Variants in RAD18 observed in about 807,000 individuals in gnomAD.
The protein encoded by RAD18 is E3 ubiquitin-protein ligase RAD18.
RAD18 carries 47 observed loss-of-function variants against 60.4 expected under a neutral mutation model. The observed-to-expected ratio is 0.78, with a 90% CI of 0.62 to 0.99. RAD18 has a LOEUF of 0.99. RAD18 is among the 50% of genes least tolerant of loss of function. The pLI is 0.00. For missense variants in RAD18, 640 were observed against 593.3 expected, an observed-to-expected ratio of 1.08 and a Z score of -0.82; for synonymous variants, 225 against 195.5, an observed-to-expected ratio of 1.15 and a Z score of -1.26.
intron 10 of RAD18, among the ~76,000 whole-genome samples, chr3:8,900,733 T>C (rs1939894895): frequency 6.6e-6 from 1 of 152,200 alleles, no homozygotes; most frequent in African/African-American, 2.4e-5. Flanking sequence ...TTATATTGGT[T>C]GTATGATGCT....
intron 7 of RAD18, among the ~76,000 whole-genome samples, chr3:8,917,901 G>C (rs1170604511): frequency 2.6e-5 from 4 of 151,984 alleles, no homozygotes; most frequent in African/African-American, 9.7e-5. Flanking sequence ...TAAAAAGATA[G>C]GTTAAAAATA....
At chr3:8,937,548 G>A (rs1161014169) in intron 6 of RAD18, among the ~76,000 whole-genome samples, 2 of 150,262 alleles carry the variant, frequency 1.3e-5, no homozygotes, top group Non-Finnish European at 2.9e-5. Flanking sequence ...CAGATGGCCT[G>A]TCAGAATATT....
chr3:8,924,080 A>T (rs1940380031), intron 7 of RAD18, among the ~76,000 whole-genome samples: 1 of 152,230 alleles, frequency 6.6e-6, no homozygotes, highest in African/African-American at 2.4e-5. Flanking sequence ...TTAAATGTAA[A>T]TGGGCTAAAT....
chr3:8,920,314 AATAAGGC>A (rs1940294748), intron 7 of RAD18, among the ~76,000 whole-genome samples: 1 of 151,912 alleles, frequency 6.6e-6, no homozygotes, highest in Admixed American at 6.6e-5. Flanking sequence ...AGAAAATAAT[AATAAGGC>A]AGAGGGAAGG....
intron 11 of RAD18, among the ~76,000 whole-genome samples, chr3:8,897,963 T>G (rs566548652): frequency 6.6e-6 from 1 of 151,322 alleles, no homozygotes; most frequent in Non-Finnish European, 1.5e-5. Flanking sequence ...TCCCAGCCAC[T>G]TGGGAAGCTG....
At chr3:8,901,300 A>G (rs1345345170) in intron 10 of RAD18, among the ~76,000 whole-genome samples, 1 of 152,232 alleles carries the variant, frequency 6.6e-6, no homozygotes, top group Non-Finnish European at 1.5e-5. Context: ...TAGAACCAGC[A>G]TATGAATCAG....
At chr3:8,918,634 T>C (rs564939) in intron 7 of RAD18, among the ~76,000 whole-genome samples, 2 of 151,964 alleles carry the variant, frequency 1.3e-5, no homozygotes, top group African/African-American at 4.8e-5. Flanking sequence ...TTATAGACTA[T>C]GCTCTGGAGA....
Position 8,941,747 on chromosome 3 carries a change from A to G in RAD18, c.324T>C (p.Ser108=). 1 of 1,614,152 alleles carries G rather than the reference A, an allele frequency of 6.2e-7. No homozygotes were observed. Among genetic ancestry groups the G allele is most frequent in the Non-Finnish European group, 8.5e-7 (1 of 1,180,002 alleles). ...ATACTTTGACAGCAAGATTCTTTGAAGAGGAAGAAGCAGGAGATTTGGCTG... is the reference window on the plus strand; with the variant it reads ...ATACTTTGACAGCAAGATTCTTTGAGGAGGAAGAAGCAGGAGATTTGGCTG... ...ESPAKSPASS[S]SKNLAVKVYT... The change falls in exon 5 of 13, where the codon TCT becomes TCC. Residue 108 remains serine (S), a synonymous_variant. Transcript: ENST00000264926.
In RAD18 at chr3:8,941,437, A is replaced by G. The variant is rs762691149; in HGVS notation, c.604+30T>C. The G allele has an allele frequency of 4.7e-6, 7 of 1,495,066 alleles. No individual in the cohort carries two copies. The East Asian group carries it at 7.0e-5, about 15-fold the overall frequency. 92.6% of individuals were successfully genotyped at this position (1,495,066 alleles called of 1,614,324 possible). A position where few individuals can be genotyped will look rare whatever the true frequency, so the allele number is the denominator to read the frequency against. On this transcript the variant is annotated intron_variant, in intron 5 of 12. Coordinates refer to ENST00000264926, the MANE Select transcript of RAD18 (RefSeq NM_020165.4). The stretch of plus-strand genomic sequence containing the variant: ...ATGTCATGTGGATGAAAAGATGTCC[A>G]TATTTCCACATATGAAAATAACTTC...
At position 8,920,257 on chromosome 3, in the gene RAD18, C is replaced by T. The variant is rs372723956; in HGVS notation, c.890-6537G>A. ...TCGTGCCACTGCACTCCAGCCTGGA[C>T]GACAGAGCGAGACTCCGTCTCAAAA... On this transcript the variant is annotated intron_variant, in intron 7 of 12. Transcript: ENST00000264926. Among the ~76,000 whole-genome samples the T allele has an allele frequency of 6.2e-5, 8 of 128,322 alleles. No homozygotes were observed. The East Asian group carries it at 1.3e-3, about 21-fold the overall frequency. The allele number at this position is 128,322 out of a possible 152,430, so 84.2% of individuals were successfully genotyped here. A position where few individuals can be genotyped will look rare whatever the true frequency, so the allele number is the denominator to read the frequency against.
chr3:8,920,302 AAAG>A (rs1940294454), intron 7 of RAD18, among the ~76,000 whole-genome samples: 1 of 151,770 alleles, frequency 6.6e-6, no homozygotes, highest in Admixed American at 6.6e-5. Flanking sequence ...AAAAAAAGAA[AAAG>A]AAAATAATAA....
chr3:8,926,590 C>T (rs1238862218), intron 7 of RAD18, among the ~76,000 whole-genome samples: 13 of 152,122 alleles, frequency 8.5e-5, no homozygotes, highest in African/African-American at 2.2e-4. Context: ...AAAAGGAACC[C>T]GCATTGCCAA....
intron 5 of RAD18, 34 bp downstream of exon 5, chr3:8,941,431 ATG>A: frequency 6.8e-7 from 1 of 1,477,624 alleles, no homozygotes; most frequent in Non-Finnish European, 9.3e-7. Context: ...GGATGAAAAG[ATG>A]TCCATATTTC....
At chr3:8,893,443 A>ATTAAG (rs1939726658) in intron 11 of RAD18, among the ~76,000 whole-genome samples, 1 of 152,224 alleles carries the variant, frequency 6.6e-6, no homozygotes, top group Non-Finnish European at 1.5e-5. Flanking sequence ...CATGCCTACC[A>ATTAAG]GACAATGGTA....
chr3:8,922,768 T>C (rs1397656921), intron 7 of RAD18, among the ~76,000 whole-genome samples: 3 of 152,198 alleles, frequency 2.0e-5, no homozygotes, highest in South Asian at 2.1e-4. Context: ...CAATATTTGC[T>C]GTTCTGCAGC....
intron 7 of RAD18, among the ~76,000 whole-genome samples, chr3:8,930,472 AAT>A (rs938571391): frequency 9.2e-5 from 14 of 152,320 alleles, no homozygotes; most frequent in African/African-American, 3.1e-4. Flanking sequence ...TCTAAAATTT[AAT>A]ATGATAGTTG....
rs144507044 is a variant in RAD18, at chr3:8,882,424, C to T, written c.1386-965G>A. On this transcript the variant is annotated intron_variant, in intron 12 of 12. Coordinates refer to ENST00000264926, the MANE Select transcript of RAD18 (RefSeq NM_020165.4). Reference sequence around the variant, plus strand: ...AGCTGATGACCTTACACTGACACCACGCAGAGGTTTGGTCAAGTAGCCAGA... The same window carrying T: ...AGCTGATGACCTTACACTGACACCATGCAGAGGTTTGGTCAAGTAGCCAGA... Among the ~76,000 whole-genome samples the T allele has an allele frequency of 3.0e-3, 457 of 152,228 alleles. 1 individual carries two copies. Among genetic ancestry groups the T allele is most frequent in the Non-Finnish European group, 5.3e-3 (358 of 68,002 alleles).
At chr3:8,930,834 G>T in intron 7 of RAD18, among the ~76,000 whole-genome samples, 1 of 152,112 alleles carries the variant, frequency 6.6e-6, no homozygotes, top group South Asian at 2.1e-4. Flanking sequence ...CAATAGTACT[G>T]TCACTCAAAT....
intron 2 of RAD18, among the ~76,000 whole-genome samples, chr3:8,955,818 C>T (rs1941000928): frequency 6.6e-6 from 1 of 152,312 alleles, no homozygotes; most frequent in Admixed American, 6.5e-5. Flanking sequence ...CTAGAATCTG[C>T]AGTCAAGCTG....
Sources: allele counts gnomAD v4.1 joint callset (sites outside exome capture counted in the v4.1 genomes callset), GRCh38; gene constraint gnomAD v4.1.1; transcripts MANE v1.5; gene names NCBI Gene and HGNC (gene_info 2026-07-23, HGNC 2026-07-21).